CTNND2: variants seen among roughly 807,000 people sequenced by gnomAD.
The protein encoded by CTNND2 is catenin delta 2, also known as catenin delta-2.
A neutral mutation model predicts 144.4 loss-of-function variants in CTNND2; 22 were observed. The observed-to-expected ratio is 0.15, with a 90% confidence interval of 0.11 to 0.22. The LOEUF (loss-of-function observed/expected upper bound fraction) is 0.22. Ranked by LOEUF, CTNND2 falls within the 10% of genes least tolerant of loss-of-function variation. The pLI is 1.00. For synonymous variants in CTNND2, 751 were observed against 695.6 expected (o/e 1.08, Z -1.25); for missense variants, 1,353 against 1,618.8 (o/e 0.84, Z 2.82).
intron 1 of CTNND2, among the ~76,000 whole-genome samples, chr5:11,748,509 G>T (rs1788438496): frequency 6.6e-6 from 1 of 151,928 alleles, no homozygotes; most frequent in African/African-American, 2.4e-5. Context: ...ATTATGAAAA[G>T]GGGTGATTAT....
chr5:11,899,628 T>C (rs994667579), intron 1 of CTNND2, among the ~76,000 whole-genome samples: 6 of 152,216 alleles, frequency 3.9e-5, no homozygotes, highest in African/African-American at 1.4e-4. Flanking sequence ...ATTAGATATG[T>C]ATAAAACATT....
chr5:11,126,896 A>C (rs957381233), intron 12 of CTNND2, among the ~76,000 whole-genome samples: 2 of 152,240 alleles, frequency 1.3e-5, no homozygotes, highest in Non-Finnish European at 2.9e-5. Flanking sequence ...TGTTTCCAGC[A>C]AAAAAGCAGC....
intron 9 of CTNND2, among the ~76,000 whole-genome samples, chr5:11,327,718 T>C (rs1752673486): frequency 6.6e-6 from 1 of 152,134 alleles, no homozygotes; most frequent in Non-Finnish European, 1.5e-5. Flanking sequence ...AATGTGGTTG[T>C]TAAGAGATGT....
chr5:11,037,599 T>C (rs1184313029), intron 16 of CTNND2, among the ~76,000 whole-genome samples: 2 of 152,180 alleles, frequency 1.3e-5, no homozygotes, highest in Non-Finnish European at 2.9e-5. Context: ...AAGGATTAAT[T>C]ACCTCAACAA....
At chr5:11,471,038 C>T (rs1254431662) in intron 3 of CTNND2, among the ~76,000 whole-genome samples, 10 of 141,052 alleles carry the variant, frequency 7.1e-5, no homozygotes, top group African/African-American at 1.1e-4. Context: ...AGTGCAGTGG[C>T]GCGATCTCTG....
chr5:11,730,152 T>C (rs1787294540), intron 2 of CTNND2, among the ~76,000 whole-genome samples: 1 of 152,188 alleles, frequency 6.6e-6, no homozygotes, highest in Admixed American at 6.5e-5. Flanking sequence ...CTATTACTAG[T>C]AGTATTCATA....
At chr5:11,643,198 C>T (rs1228847913) in intron 2 of CTNND2, among the ~76,000 whole-genome samples, 1 of 151,496 alleles carries the variant, frequency 6.6e-6, no homozygotes, top group Non-Finnish European at 1.5e-5. Flanking sequence ...CGTTTTAGTT[C>T]ATACATTTAA....
intron 8 of CTNND2, among the ~76,000 whole-genome samples, chr5:11,350,715 A>G (rs1755242180): frequency 6.6e-6 from 1 of 152,248 alleles, no homozygotes; most frequent in South Asian, 2.1e-4. Flanking sequence ...ACCAGTACAA[A>G]TGGACAGAAA....
chr5:11,301,564 C>A (rs1458188832), intron 9 of CTNND2, among the ~76,000 whole-genome samples: 1 of 152,114 alleles, frequency 6.6e-6, no homozygotes, highest in African/African-American at 2.4e-5. Context: ...TGTTTCTCTC[C>A]AATGACCCCC....
chr5:11,491,503 C>A (rs1305769460), intron 3 of CTNND2, among the ~76,000 whole-genome samples: 1 of 152,184 alleles, frequency 6.6e-6, no homozygotes, highest in Non-Finnish European at 1.5e-5. Flanking sequence ...CAGGTCCCAG[C>A]ACTAGGAAGG....
chr5:11,810,366 A>G (rs1047217979), intron 1 of CTNND2, among the ~76,000 whole-genome samples: 1 of 152,212 alleles, frequency 6.6e-6, no homozygotes, highest in East Asian at 1.9e-4. Context: ...GATGATATTC[A>G]TAATTTTTTC....
At chr5:11,336,727 G>A in intron 9 of CTNND2, among the ~76,000 whole-genome samples, 1 of 152,046 alleles carries the variant, frequency 6.6e-6, no homozygotes, top group Non-Finnish European at 1.5e-5. Context: ...TTTATCATCT[G>A]TATGCCACAT....
rs1344045020 is a variant in CTNND2, at chr5:10,972,701, A to G, written c.*752T>C. On this transcript the variant is annotated 3_prime_UTR_variant, in exon 22 of 22. Coordinates refer to ENST00000304623, the MANE Select transcript of CTNND2 (RefSeq NM_001332.4). Reference sequence around the variant, plus strand: ...GTATGTTAATTGTCAGAAACTGCTGAATGCCTTGTTTAGTTGTCACAAACA... The same window carrying G: ...GTATGTTAATTGTCAGAAACTGCTGGATGCCTTGTTTAGTTGTCACAAACA... 6.6e-6 allele frequency: 1 copy of G among 152,636 alleles called. No individual in the cohort carries two copies. Among genetic ancestry groups the G allele is most frequent in the Non-Finnish European group, 1.5e-5 (1 of 68,020 alleles). The allele number at this position is 152,636 out of a possible 1,614,324, so 9.5% of individuals were successfully genotyped here.
chr5:11,135,248 T>G (rs976449408), intron 12 of CTNND2, among the ~76,000 whole-genome samples: 1 of 152,202 alleles, frequency 6.6e-6, no homozygotes, highest in Non-Finnish European at 1.5e-5. Context: ...TGGCACAAAC[T>G]ATATATAATG....
chr5:11,091,574 C>T (rs573586242), intron 15 of CTNND2, among the ~76,000 whole-genome samples: 2 of 152,090 alleles, frequency 1.3e-5, no homozygotes, highest in African/African-American at 2.4e-5. Flanking sequence ...TGTATTCCTA[C>T]GGGTATCTTA....
chr5:10,995,323 T>C (rs1316828236), intron 18 of CTNND2, among the ~76,000 whole-genome samples: 1 of 151,972 alleles, frequency 6.6e-6, no homozygotes, highest in African/African-American at 2.4e-5. Flanking sequence ...ACAGGAAGCA[T>C]CAGGAGGGTG....
intron 5 of CTNND2, among the ~76,000 whole-genome samples, chr5:11,408,292 T>C (rs1279706245): frequency 5.3e-5 from 8 of 152,170 alleles, no homozygotes; most frequent in Non-Finnish European, 1.2e-4. Context: ...ATTTTTATTT[T>C]ATGATCCTCT....
chr5:11,221,985 T>C (rs1461658083), intron 10 of CTNND2, among the ~76,000 whole-genome samples: 1 of 152,166 alleles, frequency 6.6e-6, no homozygotes, highest in African/African-American at 2.4e-5. Flanking sequence ...CAGGTACAGG[T>C]CTTCTTCTCT....
intron 2 of CTNND2, among the ~76,000 whole-genome samples, chr5:11,679,496 T>C (rs954484868): frequency 6.6e-6 from 1 of 152,202 alleles, no homozygotes; most frequent in Non-Finnish European, 1.5e-5. Flanking sequence ...AAACAAAGTA[T>C]GTAATATAGT....
Sources: gnomAD v4.1 joint callset for allele counts (sites outside exome capture counted in the v4.1 genomes callset) on GRCh38, gnomAD v4.1.1 for gene constraint, MANE v1.5 for transcripts, NCBI Gene and HGNC (gene_info 2026-07-23, HGNC 2026-07-21) for gene names.